The following ASB15 variants were observed in gnomAD, a reference collection of about 807,000 sequenced individuals.
The protein encoded by ASB15 is ankyrin repeat and SOCS box containing 15.
ASB15 carries 54 observed loss-of-function variants against 58.0 expected under a neutral mutation model. That is an observed-to-expected ratio of 0.93 (90% CI 0.75 to 1.17). The LOEUF is 1.17. ASB15 is among the 50% of genes most tolerant of loss of function. The probability of loss-of-function intolerance (pLI) is 0.00; values close to 1 mark genes in which losing one functional copy is unlikely to be tolerated. For synonymous variants in ASB15, 249 were observed against 262.4 expected (o/e 0.95, Z 0.50); for missense variants, 680 against 707.4 (o/e 0.96, Z 0.44).
intron 8 of ASB15, chr7:123,625,101 A>G (rs1801690001): frequency 2.8e-6 from 1 of 356,788 alleles, no homozygotes; most frequent in Non-Finnish European, 5.1e-6. Flanking sequence ...CCTCATGCTC[A>G]TCTTCTCCTT....
chr7:123,612,992 G>A (rs1370269932), intron 3 of ASB15, among the ~76,000 whole-genome samples: 1 of 151,726 alleles, frequency 6.6e-6, no homozygotes, highest in Non-Finnish European at 1.5e-5. Context: ...CTTTTGAGGA[G>A]ACTGAGATAC....
At chr7:123,567,465 CTT>C (rs950456734) in intron 1 of ASB15, among the ~76,000 whole-genome samples, 4 of 152,186 alleles carry the variant, frequency 2.6e-5, no homozygotes, top group Admixed American at 2.6e-4. Flanking sequence ...TAAAAGAGCT[CTT>C]GTTTATCCAA....
At chr7:123,625,898 A>C (rs2116626266) in intron 8 of ASB15, among the ~76,000 whole-genome samples, 1 of 152,292 alleles carries the variant, frequency 6.6e-6, no homozygotes, top group South Asian at 2.1e-4. Flanking sequence ...TTAATTTTCA[A>C]ATAAGCCCTG....
At chr7:123,589,697 C>T (rs145644932) in intron 1 of ASB15, among the ~76,000 whole-genome samples, 2,340 of 152,196 alleles carry the variant, frequency 0.015, 67 homozygotes, top group African/African-American at 0.053. Context: ...ATATGTGCCA[C>T]ATTTTCTTTA....
chr7:123,627,889 C>G (rs898783162), intron 9 of ASB15, among the ~76,000 whole-genome samples: 1 of 152,192 alleles, frequency 6.6e-6, no homozygotes, highest in Admixed American at 6.5e-5. Flanking sequence ...AAATATATTT[C>G]ATAAGCTCAA....
At chr7:123,628,268 T>C (rs1036739122) in intron 9 of ASB15, among the ~76,000 whole-genome samples, 1 of 152,230 alleles carries the variant, frequency 6.6e-6, no homozygotes, top group African/African-American at 2.4e-5. Flanking sequence ...TATTAAAAAA[T>C]AGATTGTGTA....
intron 11 of ASB15, among the ~76,000 whole-genome samples, chr7:123,631,854 G>A (rs983102270): frequency 6.6e-6 from 1 of 152,060 alleles, no homozygotes. Context: ...CGAGGCGAAC[G>A]GATCACGAGG....
intron 1 of ASB15, among the ~76,000 whole-genome samples, chr7:123,570,096 A>G (rs538710310): frequency 3.0e-5 from 4 of 134,036 alleles, no homozygotes; most frequent in South Asian, 2.3e-4. Flanking sequence ...TTGCAGTGGC[A>G]CGATCTCGGC....
chr7:123,593,218 T>C (rs529096867), intron 1 of ASB15, among the ~76,000 whole-genome samples: 1 of 152,314 alleles, frequency 6.6e-6, no homozygotes, highest in East Asian at 1.9e-4. Context: ...GTCTTGACTT[T>C]TTATCCAATT....
chr7:123,635,584 T>A (rs891617733), intron 11 of ASB15, among the ~76,000 whole-genome samples: 1 of 2,922 alleles, frequency 3.4e-4, no homozygotes, highest in Admixed American at 6.2e-3. Context: ...AATTAATTGC[T>A]TTTTTTTTTT....
intron 4 of ASB15, among the ~76,000 whole-genome samples, chr7:123,615,799 A>G (rs1800763904): frequency 1.3e-5 from 2 of 152,188 alleles, no homozygotes; most frequent in South Asian, 4.1e-4. Context: ...AGTGTTTAAA[A>G]TTAGAAAAAC....
At chr7:123,578,723 G>T (rs1220114071) in intron 1 of ASB15, among the ~76,000 whole-genome samples, 1 of 151,950 alleles carries the variant, frequency 6.6e-6, no homozygotes, top group Non-Finnish European at 1.5e-5. Context: ...TTGAATGCAC[G>T]GTTAGAATTT....
chr7:123,568,030 T>C (rs1428895135), intron 1 of ASB15, among the ~76,000 whole-genome samples: 1 of 152,172 alleles, frequency 6.6e-6, no homozygotes, highest in Non-Finnish European at 1.5e-5. Flanking sequence ...TTCAGATATG[T>C]TGATTTTCAG....
upstream of ASB15, among the ~76,000 whole-genome samples, chr7:123,599,895 C>A (rs1182888273): frequency 6.6e-6 from 1 of 152,140 alleles, no homozygotes; most frequent in African/African-American, 2.4e-5. Flanking sequence ...TCTCACCAGA[C>A]AAAACTAGAG....
chr7:123,620,503 C>CATATATAT (rs1184654107), intron 7 of ASB15, among the ~76,000 whole-genome samples: 2 of 53,054 alleles, frequency 3.8e-5, no homozygotes, highest in Non-Finnish European at 6.4e-5. Flanking sequence ...GACACATATA[C>CATATATAT]ATACATATAT....
At chr7:123,606,901 G>A (rs1292133301) in intron 2 of ASB15, among the ~76,000 whole-genome samples, 1 of 152,134 alleles carries the variant, frequency 6.6e-6, no homozygotes, top group African/African-American at 2.4e-5. Context: ...AAATACTGCT[G>A]CAACTAACAT....
chr7:123,598,284 G>C (rs979662721), upstream of ASB15, among the ~76,000 whole-genome samples: 12 of 151,986 alleles, frequency 7.9e-5, no homozygotes, highest in African/African-American at 2.7e-4. Flanking sequence ...CCCTTATTTT[G>C]ATAACAATGA....
At chr7:123,593,154 C>T (rs900658392) in intron 1 of ASB15, among the ~76,000 whole-genome samples, 6 of 151,918 alleles carry the variant, frequency 3.9e-5, no homozygotes, top group Admixed American at 3.3e-4. Flanking sequence ...TTATTTTGAG[C>T]CTATGTGTGT....
At chr7:123,605,346 G>C (rs1800093725) in intron 2 of ASB15, among the ~76,000 whole-genome samples, 1 of 152,152 alleles carries the variant, frequency 6.6e-6, no homozygotes, top group South Asian at 2.1e-4. Flanking sequence ...AAAAATAACA[G>C]ATGCTGGCGA....
Sources: gnomAD v4.1 joint callset for allele counts (sites outside exome capture counted in the v4.1 genomes callset) on GRCh38, gnomAD v4.1.1 for gene constraint, MANE v1.5 for transcripts, NCBI Gene and HGNC (gene_info 2026-07-23, HGNC 2026-07-21) for gene names.